The following NRG1 variants were observed in gnomAD, a reference collection of about 807,000 sequenced individuals.
NRG1 encodes neuregulin 1.
Under a neutral mutation model 63.8 loss-of-function variants are expected in NRG1, and 18 were observed. That is an observed-to-expected ratio of 0.28 (90% CI 0.19 to 0.42). The LOEUF (loss-of-function observed/expected upper bound fraction) is 0.42. NRG1 is among the 10% of genes least tolerant of loss of function. The probability of loss-of-function intolerance (pLI) is 1.00; values close to 1 mark genes in which losing one functional copy is unlikely to be tolerated. For synonymous variants in NRG1, 302 were observed against 301.3 expected, an observed-to-expected ratio of 1.00 and a Z score of -0.02; for missense variants, 762 against 814.7, an observed-to-expected ratio of 0.94 and a Z score of 0.79.
intron 1 of NRG1, among the ~76,000 whole-genome samples, chr8:32,336,638 C>A (rs1803306155): frequency 6.6e-6 from 1 of 152,118 alleles, no homozygotes; most frequent in Non-Finnish European, 1.5e-5. Context: ...GAGACAAAGT[C>A]TTGCTCTGTC....
At chr8:31,796,412 A>ATTTTTTTTTTTTTTTTT (rs1273292685) in intron 1 of NRG1, among the ~76,000 whole-genome samples, 1 of 92,644 alleles carries the variant, frequency 1.1e-5, no homozygotes, top group Non-Finnish European at 2.2e-5. Flanking sequence ...ATGGCGTATA[A>ATTTTTTTTTTTTTTTTT]TCTTTTTTTT....
chr8:31,700,670 C>G (rs1563306826), intron 1 of NRG1, among the ~76,000 whole-genome samples: 1 of 152,164 alleles, frequency 6.6e-6, no homozygotes, highest in Non-Finnish European at 1.5e-5. Context: ...TCTATGCTCA[C>G]TGTCCGTGCT....
At chr8:31,996,326 A>G (rs927030225) in intron 1 of NRG1, among the ~76,000 whole-genome samples, 15 of 152,032 alleles carry the variant, frequency 9.9e-5, no homozygotes, top group African/African-American at 3.6e-4. Flanking sequence ...AGCACACTGA[A>G]GTAAAAGTCG....
intron 1 of NRG1, among the ~76,000 whole-genome samples, chr8:32,370,345 G>A (rs181653817): frequency 6.6e-6 from 1 of 152,290 alleles, no homozygotes; most frequent in African/African-American, 2.4e-5. Context: ...ATGTGTCCAA[G>A]TAATATTGGT....
intron 1 of NRG1, among the ~76,000 whole-genome samples, chr8:32,102,427 T>C (rs1542517): frequency 0.85 from 129,557 of 152,182 alleles, 56,352 homozygotes; most frequent in Non-Finnish European, 0.94. Flanking sequence ...TGTAAGCCAC[T>C]GATCCCAGCC....
intron 1 of NRG1, among the ~76,000 whole-genome samples, chr8:31,855,179 G>C (rs1827720369): frequency 1.3e-5 from 2 of 152,076 alleles, no homozygotes; most frequent in Admixed American, 6.6e-5. Flanking sequence ...TTGACTTTCT[G>C]TCTCGTTGAT....
At chr8:32,703,589 G>A (rs1815553262) in intron 5 of NRG1, among the ~76,000 whole-genome samples, 1 of 151,944 alleles carries the variant, frequency 6.6e-6, no homozygotes. Context: ...ACTTTCTTCT[G>A]GTCAGCAGCT....
intron 1 of NRG1, among the ~76,000 whole-genome samples, chr8:31,811,932 T>C (rs6996812): frequency 0.23 from 35,454 of 152,076 alleles, 4,351 homozygotes; most frequent in Admixed American, 0.26. Flanking sequence ...TTAGATCTCA[T>C]ATATCTATAT....
At chr8:31,661,335 A>G (rs1324757770) in intron 1 of NRG1, among the ~76,000 whole-genome samples, 4 of 152,170 alleles carry the variant, frequency 2.6e-5, no homozygotes, top group Non-Finnish European at 5.9e-5. Flanking sequence ...CAGCTTATGA[A>G]GGTCTGGTCC....
intron 1 of NRG1, among the ~76,000 whole-genome samples, chr8:31,900,319 C>G (rs1831966495): frequency 6.6e-6 from 1 of 152,158 alleles, no homozygotes; most frequent in Non-Finnish European, 1.5e-5. Context: ...ACTAAAAACT[C>G]TTCAAGGGAG....
chr8:31,644,141 A>C (rs999458079), intron 1 of NRG1, among the ~76,000 whole-genome samples: 17 of 152,218 alleles, frequency 1.1e-4, no homozygotes, highest in Admixed American at 1.0e-3. Flanking sequence ...AAAGAAAACT[A>C]TTCTTAATAA....
chr8:32,313,117 T>C (rs1469653974), intron 1 of NRG1, among the ~76,000 whole-genome samples: 1 of 152,218 alleles, frequency 6.6e-6, no homozygotes, highest in Non-Finnish European at 1.5e-5. Flanking sequence ...ATCGTACCAC[T>C]GCACTCCAGC....
In NRG1 at chr8:32,629,567, G is replaced by A. The variant is rs1182910436; in HGVS notation, c.502+12682G>A. ...TTAAATCATGGGCACAGATATTTAA[G>A]TATTTTAAAATCAAAGTTTTAAAAA... On this transcript the variant is annotated intron_variant, in intron 5 of 11. Transcript: ENST00000356819. 2.6e-5 allele frequency among the ~76,000 whole-genome samples: 4 copies of A among 152,064 alleles called. No homozygotes were observed. The South Asian group carries it at 6.2e-4, about 24-fold the overall frequency.
chr8:31,651,901 C>T (rs1804883606), intron 1 of NRG1, among the ~76,000 whole-genome samples: 1 of 152,096 alleles, frequency 6.6e-6, no homozygotes, highest in African/African-American at 2.4e-5. Context: ...CCAGACCTTT[C>T]TTTTTGGCTC....
At chr8:31,934,945 C>T (rs1835177965) in intron 1 of NRG1, among the ~76,000 whole-genome samples, 1 of 151,960 alleles carries the variant, frequency 6.6e-6, no homozygotes, top group Non-Finnish European at 1.5e-5. Flanking sequence ...ACAGTTTTTG[C>T]TTTTGTTTTT....
chr8:31,923,641 G>T (rs1311718617), intron 1 of NRG1, among the ~76,000 whole-genome samples: 1 of 151,804 alleles, frequency 6.6e-6, no homozygotes, highest in Non-Finnish European at 1.5e-5. Flanking sequence ...AAGATTTAGG[G>T]TTCTTCAGAT....
intron 1 of NRG1, among the ~76,000 whole-genome samples, chr8:32,067,924 T>G (rs1295288903): frequency 6.6e-6 from 1 of 152,178 alleles, no homozygotes; most frequent in Non-Finnish European, 1.5e-5. Context: ...CTGGATGTAT[T>G]TCTCTGTAAA....
At chr8:32,386,723 G>A (rs2129483684) in intron 1 of NRG1, among the ~76,000 whole-genome samples, 1 of 152,334 alleles carries the variant, frequency 6.6e-6, no homozygotes, top group Non-Finnish European at 1.5e-5. Flanking sequence ...AAGGAAGACT[G>A]AAGCAAATGG....
At chr8:31,707,877 T>C (rs1811305256) in intron 1 of NRG1, among the ~76,000 whole-genome samples, 2 of 152,240 alleles carry the variant, frequency 1.3e-5, no homozygotes, top group Non-Finnish European at 2.9e-5. Flanking sequence ...TTTGTTTTCC[T>C]CTTTCCAAAT....
Sources: allele counts gnomAD v4.1 joint callset (sites outside exome capture counted in the v4.1 genomes callset), GRCh38; gene constraint gnomAD v4.1.1; transcripts MANE v1.5; gene names NCBI Gene and HGNC (gene_info 2026-07-23, HGNC 2026-07-21).